Variants in HLX observed in about 807,000 individuals in gnomAD.
HLX encodes H2.0-like homeobox protein.
In HLX, 6 loss-of-function variants were observed where a neutral mutation model predicts 27.7. The ratio of observed to expected loss-of-function variants is 0.22; its 90% CI spans 0.12 to 0.43. HLX has a LOEUF of 0.43. Among genes scored for constraint, HLX ranks in the 20% least tolerant of loss-of-function variants. The pLI is 1.00. For synonymous variants in HLX, 328 were observed against 293.8 expected (o/e 1.12, Z -1.19); for missense variants, 666 against 655.2 (o/e 1.02, Z -0.18).
rs1290244033 is a variant in HLX at position 220,884,380 on chromosome 1, C to G, written c.1143C>G (p.Ser381=). The change falls in exon 4 of 4, where the codon TCC becomes TCG. Residue 381 remains serine, a synonymous_variant. Coordinates refer to ENST00000366903, the MANE Select transcript of HLX (RefSeq NM_021958.4). This position sits in a 1 kb window ranked among gnomAD's most constrained non-coding sequence, Gnocchi z 4.9. The part of the protein sequence containing the change: ...EGEAESESSD[S]ESLDMAPSDT... ...AGGCTGAGAGCGAGAGCAGCGACTC[C>G]GAGTCCCTGGACATGGCCCCCAGCG... The G allele has an allele frequency of 1.2e-6, 2 of 1,614,080 alleles. No homozygotes were observed. The highest frequency in any genetic ancestry group is 1.7e-6 in the Non-Finnish European group (2 of 1,180,002).
In HLX at chr1:220,880,673, C is replaced by T. The variant is rs1674407039; in HGVS notation, c.592+224C>T. 1.3e-5 allele frequency: 8 copies of T among 599,032 alleles called. 1 individual carries two copies. The South Asian group carries it at 1.6e-4, about 12-fold the overall frequency. 37.1% of individuals were successfully genotyped at this position (599,032 alleles called of 1,614,324 possible). Reference sequence around the variant, plus strand: ...CTCCAGGGATTCTTTAAAAACACGTCTTAGAATCAATATTTATAAAAGTGG... The same window carrying T: ...CTCCAGGGATTCTTTAAAAACACGTTTTAGAATCAATATTTATAAAAGTGG... On this transcript the variant is annotated intron_variant, in intron 1 of 3. Transcript: ENST00000366903.
rs77983908 is a variant in HLX at position 220,884,191 on chromosome 1, G to T, written c.958-4G>T. 2 of 1,613,932 alleles carry T rather than the reference G, an allele frequency of 1.2e-6. No individual in the cohort carries two copies. The highest frequency in any genetic ancestry group is 4.5e-5 in the East Asian group (2 of 44,844). On this transcript the variant is annotated splice_region_variant and splice_polypyrimidine_tract_variant and intron_variant, in intron 3 of 3. Coordinates refer to ENST00000366903, the MANE Select transcript of HLX (RefSeq NM_021958.4). The surrounding 1 kb of genome is among the most constrained non-coding windows in gnomAD (Gnocchi z 4.9). ...TTCTTGTCTCCCGGTGTGGCGCGGC[G>T]CAGGTGAAGGTGTGGTTCCAGAACC...
Position 220,882,330 on chromosome 1 carries a change from G to A in HLX, c.939G>A (p.Leu313=), listed in dbSNP as rs764798355. Residue 313 remains leucine (L), a synonymous_variant, in exon 3 of 4, where the codon CTG becomes CTA. Coordinates refer to ENST00000366903, the MANE Select transcript of HLX (RefSeq NM_021958.4). ...KPDRKQLAAM[L]GLTDAQVKVW... is the part of the protein sequence containing the mutation. ...ACCGAAAGCAGCTGGCGGCGATGCT[G>A]GGCCTCACGGACGCACAGGTAAGGC... 1 of 1,614,222 alleles carries A rather than the reference G, an allele frequency of 6.2e-7. No homozygotes were observed.
chr1:220,884,219 C>T lies in HLX; in HGVS notation c.982C>T (p.Arg328Trp). Residue 328 changes from arginine (R) to tryptophan (W), a missense_variant, in exon 4 of 4, where the codon CGG (arginine) becomes TGG (tryptophan). Arg to Trp is a moderately radical substitution (Grantham distance 101). Coordinates refer to ENST00000366903, the MANE Select transcript of HLX (RefSeq NM_021958.4). This position sits in a 1 kb window ranked among gnomAD's most constrained non-coding sequence, Gnocchi z 4.9. ...AQVKVWFQNR[R>W]MKWRHSKEAQ... ...GGTGAAGGTGTGGTTCCAGAACCGG[C>T]GGATGAAGTGGCGGCACTCCAAGGA... is the stretch of plus-strand genomic sequence containing the variant. 2 of 1,613,928 alleles carry T rather than the reference C, an allele frequency of 1.2e-6. No homozygotes were observed. Among genetic ancestry groups the T allele is most frequent in the Non-Finnish European group, 1.7e-6 (2 of 1,180,000 alleles).
chr1:220,881,037 A>G (rs949994), intron 1 of HLX, 157 bp from the exon 2 acceptor site: 18,772 of 694,326 alleles, frequency 0.027, 1,292 homozygotes, highest in African/African-American at 0.2. Flanking sequence ...GCTCCTTGGC[A>G]ACTGTTGGGA....
At chr1:220,880,888 C>A in intron 1 of HLX, 1 of 439,852 alleles carries the variant, frequency 2.3e-6, no homozygotes. Context: ...AGTGGGGCCA[C>A]CTTGGGGCGG....
chr1:220,883,964 T>C (rs950564194), intron 3 of HLX: 5 of 583,004 alleles, frequency 8.6e-6, no homozygotes, highest in African/African-American at 7.5e-5. Context: ...GGTTGCATTT[T>C]GAAAACGGTC....
rs764162304 is a variant in HLX, at chr1:220,881,334, A to G, written c.733A>G (p.Arg245Gly). 1.2e-6 allele frequency: 2 copies of G among 1,614,198 alleles called. No individual in the cohort carries two copies. The highest frequency in any genetic ancestry group is 2.2e-5 in the East Asian group (1 of 44,880). ...AILSPLNSNP[R>G]NSVQHQFQDT... ...CCTGAGTCCCTTAAACTCGAACCCA[A>G]GAAATTCAGTTCAGCATCAGTTCCA... Residue 245 changes from arginine (R) to glycine (G), a missense_variant, in exon 2 of 4, where the codon AGA becomes GGA. By Grantham distance (125) the Arg-to-Gly change is moderately radical (BLOSUM62 -2). Transcript: ENST00000366903.
Position 220,879,796 on chromosome 1 carries a change from C to G in HLX, c.-62C>G. 6.7e-7 allele frequency: 1 copy of G among 1,484,764 alleles called. No individual in the cohort carries two copies. Among genetic ancestry groups the G allele is most frequent in the Non-Finnish European group, 8.9e-7 (1 of 1,125,792 alleles). 92.0% of individuals were successfully genotyped at this position (1,484,764 alleles called of 1,614,324 possible). ...CTTCTCCGGGACTCGCGCGCCCCTC[C>G]CCGCGCGCCCACCCACCCAGTCCGG... is the stretch of plus-strand genomic sequence containing the variant. On this transcript the variant is annotated 5_prime_UTR_variant, in exon 1 of 4. Coordinates refer to ENST00000366903, the MANE Select transcript of HLX (RefSeq NM_021958.4).
At chr1:220,883,981 G>A (rs1674513298) in intron 3 of HLX, 1 of 602,888 alleles carries the variant, frequency 1.7e-6, no homozygotes, top group Admixed American at 2.9e-5. Flanking sequence ...GGTCTTAGTG[G>A]GTTCCCTAGG....
In HLX at chr1:220,880,236, C is replaced by A; in HGVS notation, c.379C>A (p.Gln127Lys). The change falls in exon 1 of 4, where the codon CAA becomes AAA. Residue 127 changes from glutamine (Q) to lysine (K), a missense_variant. By Grantham distance (53) the Gln-to-Lys change is moderately conservative. Coordinates refer to ENST00000366903, the MANE Select transcript of HLX (RefSeq NM_021958.4). Reference sequence around the variant, plus strand: ...CTACCACCACCATCACCCGCAACAACAACAGCAGCAGCAACAGCCGCAGCA... The same window carrying A: ...CTACCACCACCATCACCCGCAACAAAAACAGCAGCAGCAACAGCCGCAGCA... The part of the protein sequence containing the change: ...AAYHHHHPQQ[Q>K]QQQQQPQQQQ... 6.2e-7 allele frequency: 1 copy of A among 1,612,500 alleles called. No individual in the cohort carries two copies. Among genetic ancestry groups the A allele is most frequent in the Non-Finnish European group, 8.5e-7 (1 of 1,178,836 alleles).
chr1:220,881,454 G>A (rs1269459139), intron 2 of HLX, 81 bp downstream of exon 2: 2 of 1,199,392 alleles, frequency 1.7e-6, no homozygotes, highest in East Asian at 2.3e-5. Context: ...CTCCAGGGCT[G>A]CCACGGTGTC....
chr1:220,880,996 G>T (rs566350592), intron 1 of HLX, 198 bp from the exon 2 acceptor site: 2 of 617,992 alleles, frequency 3.2e-6, no homozygotes, highest in Admixed American at 2.9e-5. Flanking sequence ...GCATATGGAC[G>T]TGAGGGACAC....
In HLX at chr1:220,884,113, G is replaced by C; in HGVS notation, c.958-82G>C. 7.1e-7 allele frequency: 1 copy of C among 1,411,380 alleles called. No individual in the cohort carries two copies. The allele number at this position is 1,411,380 out of a possible 1,614,324, so 87.4% of individuals were successfully genotyped here. On this transcript the variant is annotated intron_variant, in intron 3 of 3. Transcript: ENST00000366903. This position sits in a 1 kb window ranked among gnomAD's most constrained non-coding sequence, Gnocchi z 4.9. ...GCTTTTTCACTCAGGGAGGTGGCTTGAGGGTGCACGCGAGTCGGATAGGAG... is the reference window on the plus strand; with the variant it reads ...GCTTTTTCACTCAGGGAGGTGGCTTCAGGGTGCACGCGAGTCGGATAGGAG...
Position 220,879,765 on chromosome 1 carries a change from C to A in HLX, c.-93C>A. ...GCGAAAGCGGATCGTCCTCGGCTGCCGCCGCCTTCTCCGGGACTCGCGCGC... is the reference window on the plus strand; with the variant it reads ...GCGAAAGCGGATCGTCCTCGGCTGCAGCCGCCTTCTCCGGGACTCGCGCGC... On this transcript the variant is annotated 5_prime_UTR_variant, in exon 1 of 4. Coordinates refer to ENST00000366903, the MANE Select transcript of HLX (RefSeq NM_021958.4). 1 of 1,451,986 alleles carries A rather than the reference C, an allele frequency of 6.9e-7. No individual in the cohort carries two copies. The highest frequency in any genetic ancestry group is 9.0e-7 in the Non-Finnish European group (1 of 1,109,842). The allele number at this position is 1,451,986 out of a possible 1,614,324, so 89.9% of individuals were successfully genotyped here. A position where few individuals can be genotyped will look rare whatever the true frequency, so the allele number is the denominator to read the frequency against.
At chr1:220,880,687 T>G (rs1226832231) in intron 1 of HLX, 1 of 591,448 alleles carries the variant, frequency 1.7e-6, no homozygotes, top group Non-Finnish European at 3.0e-6. Context: ...GAATCAATAT[T>G]TATAAAAGTG....
Position 220,884,190 on chromosome 1 carries a change from C to T in HLX, c.958-5C>T. Reference sequence around the variant, plus strand: ...CTTCTTGTCTCCCGGTGTGGCGCGGCGCAGGTGAAGGTGTGGTTCCAGAAC... The same window carrying T: ...CTTCTTGTCTCCCGGTGTGGCGCGGTGCAGGTGAAGGTGTGGTTCCAGAAC... On this transcript the variant is annotated splice_region_variant and splice_polypyrimidine_tract_variant and intron_variant, in intron 3 of 3. Transcript: ENST00000366903. The surrounding 1 kb of genome is among the most constrained non-coding windows in gnomAD (Gnocchi z 4.9). 1 of 1,613,780 alleles carries T rather than the reference C, an allele frequency of 6.2e-7. No homozygotes were observed. Among genetic ancestry groups the T allele is most frequent in the Non-Finnish European group, 8.5e-7 (1 of 1,179,938 alleles).
intron 2 of HLX, 21 bp from the exon 3 acceptor site, chr1:220,882,142 TC>T (rs1190941959): frequency 6.2e-7 from 1 of 1,613,460 alleles, no homozygotes. Flanking sequence ...CTTTCTTCCC[TC>T]TGGCTCCCGT....
intron 1 of HLX, 44 bp from the exon 2 acceptor site, chr1:220,881,150 G>A (rs757638361): frequency 5.2e-6 from 8 of 1,539,978 alleles, no homozygotes; most frequent in Middle Eastern, 1.7e-4. Context: ...GAGAGTGTGA[G>A]TGTGCCCGAG....
Sources: allele counts gnomAD v4.1 joint callset, GRCh38; gene constraint gnomAD v4.1.1; non-coding constraint Gnocchi (gnomAD v3.1); transcripts MANE v1.5; gene names NCBI Gene and HGNC (gene_info 2026-07-23, HGNC 2026-07-21).